PTGR2: variants seen among roughly 807,000 people sequenced by gnomAD.
PTGR2 encodes the protein prostaglandin reductase 2.
In PTGR2, 32 loss-of-function variants were observed where a neutral mutation model predicts 43.4. The observed-to-expected ratio is 0.74, with a 90% CI of 0.56 to 0.99. The LOEUF (loss-of-function observed/expected upper bound fraction) is 0.99. Among genes scored for constraint, PTGR2 ranks in the 50% least tolerant of loss-of-function variants. PTGR2 has a pLI of 0.00. For synonymous variants in PTGR2, 106 were observed against 139.2 expected (o/e 0.76, Z 1.68); for missense variants, 373 against 420.0 (o/e 0.89, Z 0.98).
intron 7 of PTGR2, among the ~76,000 whole-genome samples, chr14:73,880,432 G>A (rs1482525897): frequency 2.0e-5 from 3 of 151,724 alleles, no homozygotes; most frequent in African/African-American, 7.3e-5. Context: ...AAAATTAGCC[G>A]GGTGTAGTGA....
intron 5 of PTGR2, chr14:73,878,670 G>GTTGGTGGTA (rs2140272539): frequency 1.3e-5 from 6 of 465,776 alleles, no homozygotes; most frequent in Admixed American, 2.3e-5. Flanking sequence ...TTTTGACAAT[G>GTTGGTGGTA]ACCATAAGGG....
intron 7 of PTGR2, 150 bp downstream of exon 7, chr14:73,880,326 A>G: frequency 1.1e-6 from 1 of 883,522 alleles, no homozygotes; most frequent in Non-Finnish European, 1.8e-6. Context: ...TAATCCTAGC[A>G]CTTTGGGATG....
rs199781522 is a variant in PTGR2 at position 73,877,137 on chromosome 14, C to T, written c.488C>T (p.Ala163Val). The change falls in exon 5 of 10, where the codon GCC becomes GTC. Residue 163 changes from alanine (A) to valine (V), a missense_variant. Ala to Val is a moderately conservative substitution (Grantham distance 64). Transcript: ENST00000555661. ...GSNKTMVVSG[A>V]AGACGSVAGQ... ...AATAAGACAATGGTTGTCAGTGGGG[C>T]CGCAGGTGCCTGTGGATCTGTGGCT... is the stretch of plus-strand genomic sequence containing the variant. The T allele has an allele frequency of 2.4e-5, 38 of 1,613,522 alleles. No homozygotes were observed. The highest frequency in any genetic ancestry group is 3.2e-5 in the Non-Finnish European group (38 of 1,179,802).
chr14:73,866,523 CAGA>C (rs2054599290), intron 3 of PTGR2, among the ~76,000 whole-genome samples: 3 of 152,142 alleles, frequency 2.0e-5, no homozygotes, highest in South Asian at 2.1e-4. Flanking sequence ...AGTTTCTGCA[CAGA>C]AGATTTTGAT....
At chr14:73,876,601 GAGT>G (rs1375459185) in intron 4 of PTGR2, among the ~76,000 whole-genome samples, 4 of 150,292 alleles carry the variant, frequency 2.7e-5, no homozygotes, top group Admixed American at 1.4e-4. Flanking sequence ...TCAGCCTCCT[GAGT>G]AGCTGGGATT....
Position 73,884,174 on chromosome 14 carries a change from G to C in PTGR2, c.1053G>C (p.Leu351Phe), listed in dbSNP as rs201486589. Reference sequence around the variant, plus strand: ...TTTGCATTTCAGAAGAAATCTCTTTGTAATTGCTGTAAATGTCATCAAGGC... The same window carrying C: ...TTTGCATTTCAGAAGAAATCTCTTTCTAATTGCTGTAAATGTCATCAAGGC... ...QIVCISEEIS[L>F] The change falls in exon 10 of 10, where the codon TTG (leucine) becomes TTC (phenylalanine). Residue 351 changes from leucine to phenylalanine, a missense_variant. By Grantham distance (22) the Leu-to-Phe change is conservative. Coordinates refer to ENST00000555661, the MANE Select transcript of PTGR2 (RefSeq NM_001146154.2). 9.7e-5 allele frequency: 152 copies of C among 1,561,770 alleles called. No individual in the cohort carries two copies. Among genetic ancestry groups the C allele is most frequent in the Non-Finnish European group, 1.3e-4 (144 of 1,137,798 alleles).
chr14:73,855,477 C>T (rs1257283977), intron 1 of PTGR2, among the ~76,000 whole-genome samples: 2 of 152,002 alleles, frequency 1.3e-5, no homozygotes, highest in African/African-American at 2.4e-5. Context: ...GACAGGGTCT[C>T]ACTCTGTCAC....
At chr14:73,869,336 C>G (rs1430133138) in intron 3 of PTGR2, among the ~76,000 whole-genome samples, 1 of 151,768 alleles carries the variant, frequency 6.6e-6, no homozygotes, top group African/African-American at 2.4e-5. Flanking sequence ...GAGTTTGAAA[C>G]CATCCTGGGC....
rs536753522 is a variant in PTGR2, at chr14:73,870,811, A to C, written c.157-3212A>C. ...TTAAGTGACTTTATATGGAAAAACT[A>C]GTTCAAATATTATTATTTTAGTGGT... On this transcript the variant is annotated intron_variant, in intron 3 of 9. Transcript: ENST00000555661. 2.3e-4 allele frequency among the ~76,000 whole-genome samples: 35 copies of C among 152,278 alleles called. No homozygotes were observed. In the South Asian group the frequency reaches 6.8e-3, roughly 30 times the overall value.
At chr14:73,883,529 G>A (rs890430716) in intron 9 of PTGR2, among the ~76,000 whole-genome samples, 2 of 148,978 alleles carry the variant, frequency 1.3e-5, no homozygotes, top group Admixed American at 6.7e-5. Flanking sequence ...TCTGTCACCC[G>A]GGCTGGAGTG....
At chr14:73,861,202 T>C (rs1009215497) in intron 3 of PTGR2, 4 of 152,436 alleles carry the variant, frequency 2.6e-5, no homozygotes, top group African/African-American at 9.6e-5. Context: ...TGCTTAGCCC[T>C]GTAGTTGATC....
At position 73,874,098 on chromosome 14, in the gene PTGR2, G is replaced by A; in HGVS notation, c.232G>A (p.Gly78Ser). ...WQLSQVVDGGGIGIIEESKHT... is the reference protein window; with the variant it reads ...WQLSQVVDGGSIGIIEESKHT... Reference sequence around the variant, plus strand: ...GCTATCTCAAGTCGTTGATGGAGGAGGTATTGGAATTATAGAAGAAAGCAA... The same window carrying A: ...GCTATCTCAAGTCGTTGATGGAGGAAGTATTGGAATTATAGAAGAAAGCAA... The change falls in exon 4 of 10, where the codon GGT becomes AGT. Residue 78 changes from glycine (G) to serine (S), a missense_variant. Coordinates refer to ENST00000555661, the MANE Select transcript of PTGR2 (RefSeq NM_001146154.2). 6.2e-7 allele frequency: 1 copy of A among 1,613,706 alleles called. No individual in the cohort carries two copies. Among genetic ancestry groups the A allele is most frequent in the African/African-American group, 1.3e-5 (1 of 75,010 alleles).
Position 73,860,495 on chromosome 14 carries a change from C to A in PTGR2, c.38-44C>A, listed in dbSNP as rs77356914. 2.2e-3 allele frequency: 2,062 copies of A among 930,462 alleles called. 43 individuals carry two copies. In the African/African-American group the frequency reaches 0.032, roughly 14 times the overall value. 57.6% of individuals were successfully genotyped at this position (930,462 alleles called of 1,614,324 possible). Reference sequence around the variant, plus strand: ...TAATAATAATAATAATAGTATATAGCAAAGTGGCTTTTTTTAACTTTATAT... The same window carrying A: ...TAATAATAATAATAATAGTATATAGAAAAGTGGCTTTTTTTAACTTTATAT... On this transcript the variant is annotated intron_variant, in intron 2 of 9. Coordinates refer to ENST00000555661, the MANE Select transcript of PTGR2 (RefSeq NM_001146154.2).
At chr14:73,872,793 A>G (rs992366417) in intron 3 of PTGR2, among the ~76,000 whole-genome samples, 1 of 151,816 alleles carries the variant, frequency 6.6e-6, no homozygotes, top group Non-Finnish European at 1.5e-5. Flanking sequence ...CCTGGCCAAT[A>G]TGGCGAAACT....
chr14:73,859,749 G>A (rs1443753052), intron 2 of PTGR2, among the ~76,000 whole-genome samples: 3 of 149,502 alleles, frequency 2.0e-5, no homozygotes, highest in Non-Finnish European at 3.0e-5. Flanking sequence ...GTTTAGCCGC[G>A]CTCCATCCTG....
intron 9 of PTGR2, 144 bp from the exon 10 acceptor site, chr14:73,883,957 T>G (rs1360898343): frequency 1.6e-6 from 1 of 622,740 alleles, no homozygotes; most frequent in Non-Finnish European, 2.8e-6. Flanking sequence ...ACTTGAGATT[T>G]CTTTTCATGA....
In PTGR2 at chr14:73,883,188, C is replaced by CTTTTTT. The variant is rs58234739; in HGVS notation, c.979+777_979+782dup. On this transcript the variant is annotated intron_variant, in intron 9 of 9. Coordinates refer to ENST00000555661, the MANE Select transcript of PTGR2 (RefSeq NM_001146154.2). Reference sequence around the variant, plus strand: ...CCTGCCCTTCCCTCCCCTCACCTCCCTTTTTTTTTTTTTTTTTTTTTTTTT... The same window carrying CTTTTTT: ...CCTGCCCTTCCCTCCCCTCACCTCCCTTTTTTTTTTTTTTTTTTTTTTTTTTTTTTT... 6.5e-3 allele frequency among the ~76,000 whole-genome samples: 376 copies of CTTTTTT among 58,136 alleles called. 35 individuals carry two copies. Among genetic ancestry groups the CTTTTTT allele is most frequent in the East Asian group, 8.0e-3 (6 of 752 alleles). The allele number at this position is 58,136 out of a possible 152,430, so 38.1% of individuals were successfully genotyped here.
Position 73,884,346 on chromosome 14 carries a change from C to A in PTGR2, c.*169C>A. 2.2e-6 allele frequency: 1 copy of A among 462,680 alleles called. No individual in the cohort carries two copies. Among genetic ancestry groups the A allele is most frequent in the South Asian group, 3.8e-5 (1 of 26,112 alleles). The allele number at this position is 462,680 out of a possible 1,614,324, so 28.7% of individuals were successfully genotyped here. A position where few individuals can be genotyped will look rare whatever the true frequency, so the allele number is the denominator to read the frequency against. ...GATACAATCATTAATGGATCATACACAATAGGTTTTTAAAAATTAATAACT... is the reference window on the plus strand; with the variant it reads ...GATACAATCATTAATGGATCATACAAAATAGGTTTTTAAAAATTAATAACT... On this transcript the variant is annotated 3_prime_UTR_variant, in exon 10 of 10. Coordinates refer to ENST00000555661, the MANE Select transcript of PTGR2 (RefSeq NM_001146154.2).
chr14:73,881,311 A>G lies in PTGR2; in HGVS notation c.939+19A>G. ...GCTAAAGGTAGAACTTCTATTCTTTATCAATATAATTCTTCCTGCTACTTG... is the reference window on the plus strand; with the variant it reads ...GCTAAAGGTAGAACTTCTATTCTTTGTCAATATAATTCTTCCTGCTACTTG... On this transcript the variant is annotated intron_variant, in intron 8 of 9. Coordinates refer to ENST00000555661, the MANE Select transcript of PTGR2 (RefSeq NM_001146154.2). 7.1e-7 allele frequency: 1 copy of G among 1,400,178 alleles called. No homozygotes were observed. The highest frequency in any genetic ancestry group is 1.0e-6 in the Non-Finnish European group (1 of 987,520). 86.7% of individuals were successfully genotyped at this position (1,400,178 alleles called of 1,614,324 possible). A position where few individuals can be genotyped will look rare whatever the true frequency, so the allele number is the denominator to read the frequency against.
Sources: gnomAD v4.1 joint callset for allele counts (sites outside exome capture counted in the v4.1 genomes callset) on GRCh38, gnomAD v4.1.1 for gene constraint, MANE v1.5 for transcripts, NCBI Gene and HGNC (gene_info 2026-07-23, HGNC 2026-07-21) for gene names.